The following ETFRF1 variants were observed in gnomAD, a reference collection of about 807,000 sequenced individuals.
ETFRF1 encodes the protein electron transfer flavoprotein regulatory factor 1, also known as LYR motif containing 5.
A neutral mutation model predicts 9.0 loss-of-function variants in ETFRF1; 12 were observed. That is an observed-to-expected ratio of 1.34 (90% CI 0.86 to 2.16). ETFRF1 has a LOEUF of 2.16. Among genes scored for constraint, ETFRF1 ranks in the 30% most tolerant of loss-of-function variants. The pLI, the probability that ETFRF1 is intolerant of heterozygous loss-of-function variation, is 0.00. For synonymous variants in ETFRF1, 34 were observed against 33.2 expected, an observed-to-expected ratio of 1.02 and a Z score of -0.08; for missense variants, 98 against 101.8, an observed-to-expected ratio of 0.96 and a Z score of 0.16.
intron 1 of ETFRF1, among the ~76,000 whole-genome samples, chr12:25,201,362 A>G (rs1592786887): frequency 6.6e-6 from 1 of 152,190 alleles, no homozygotes; most frequent in African/African-American, 2.4e-5. Context: ...TTTAATTAAC[A>G]GCAGCATTGT....
rs774219287 is a variant in ETFRF1, at chr12:25,204,204, T to A, written c.165T>A (p.Leu55=). 1.9e-6 allele frequency: 3 copies of A among 1,613,054 alleles called. No homozygotes were observed. Among genetic ancestry groups the A allele is most frequent in the Non-Finnish European group, 2.5e-6 (3 of 1,179,620 alleles). ...AGAATCCAGAGAAGATCAAAGAACTTATTGCACAGGGCGAATTTGTAATGA... is the reference window on the plus strand; with the variant it reads ...AGAATCCAGAGAAGATCAAAGAACTAATTGCACAGGGCGAATTTGTAATGA... ...DVKNPEKIKE[L]IAQGEFVMKE... Residue 55 remains leucine (L), a synonymous_variant, in exon 3 of 3, where the codon CTT becomes CTA. Transcript: ENST00000381356.
intron 1 of ETFRF1, among the ~76,000 whole-genome samples, chr12:25,197,090 G>T (rs1319639925): frequency 6.6e-6 from 1 of 151,582 alleles, no homozygotes; most frequent in Non-Finnish European, 1.5e-5. Flanking sequence ...GGAGAGGGAG[G>T]TTGCAGTGAG....
chr12:25,203,942 T>C lies in ETFRF1; in HGVS notation c.-15T>C. On this transcript the variant is annotated 5_prime_UTR_variant, in exon 2 of 3. An upstream open reading frame in the 5' UTR loses its in-frame stop. Coordinates refer to ENST00000381356, the MANE Select transcript of ETFRF1 (RefSeq NM_001001660.3). ...TAGGTATGTTATGCATAAAAGTGGA[T>C]AATTTACATGATAAATGAAAATGGC... The C allele has an allele frequency of 1.2e-5, 17 of 1,448,162 alleles. No individual in the cohort carries two copies. Among genetic ancestry groups the C allele is most frequent in the Non-Finnish European group, 1.5e-5 (17 of 1,099,772 alleles). 89.7% of individuals were successfully genotyped at this position (1,448,162 alleles called of 1,614,324 possible). A position where few individuals can be genotyped will look rare whatever the true frequency, so the allele number is the denominator to read the frequency against.
chr12:25,195,242 C>T lies in ETFRF1; in HGVS notation c.-133C>T. 1.4e-6 allele frequency: 1 copy of T among 735,238 alleles called. No homozygotes were observed. The highest frequency in any genetic ancestry group is 1.5e-5 in the South Asian group (1 of 64,890). The allele number at this position is 735,238 out of a possible 1,614,324, so 45.5% of individuals were successfully genotyped here. A position where few individuals can be genotyped will look rare whatever the true frequency, so the allele number is the denominator to read the frequency against. On this transcript the variant is annotated 5_prime_UTR_variant, in exon 1 of 3. Coordinates refer to ENST00000381356, the MANE Select transcript of ETFRF1 (RefSeq NM_001001660.3). ...GCCGGCGCCCCGCCCCCTTTACTGACAGGTTGCCCACCTCCCCCAACGCCA... is the reference window on the plus strand; with the variant it reads ...GCCGGCGCCCCGCCCCCTTTACTGATAGGTTGCCCACCTCCCCCAACGCCA...
chr12:25,203,905 T>A lies in ETFRF1; in HGVS notation c.-37-15T>A, dbSNP rs1041094516. ...TACAATGCAGCTAATTGCAAAAAAATTTTCCTTTCTTTAGGTATGTTATGC... is the reference window on the plus strand; with the variant it reads ...TACAATGCAGCTAATTGCAAAAAAAATTTCCTTTCTTTAGGTATGTTATGC... On this transcript the variant is annotated splice_polypyrimidine_tract_variant and intron_variant, in intron 1 of 2. Coordinates refer to ENST00000381356, the MANE Select transcript of ETFRF1 (RefSeq NM_001001660.3). The A allele has an allele frequency of 1.0e-4, 139 of 1,362,094 alleles. 1 individual carries two copies. Among genetic ancestry groups the A allele is most frequent in the African/African-American group, 1.6e-4 (11 of 67,046 alleles). 84.4% of individuals were successfully genotyped at this position (1,362,094 alleles called of 1,614,324 possible). A position where few individuals can be genotyped will look rare whatever the true frequency, so the allele number is the denominator to read the frequency against.
At chr12:25,195,362 G>A in intron 1 of ETFRF1, 25 bp downstream of exon 1, 1 of 589,654 alleles carries the variant, frequency 1.7e-6, no homozygotes, top group Non-Finnish European at 3.0e-6. Context: ...CCGCCGGGGA[G>A]TTTTGTTCCA....
rs148855350 is a variant in ETFRF1, at chr12:25,202,321, G to A, written c.-37-1599G>A. On this transcript the variant is annotated intron_variant, in intron 1 of 2. Coordinates refer to ENST00000381356, the MANE Select transcript of ETFRF1 (RefSeq NM_001001660.3). The stretch of plus-strand genomic sequence containing the variant: ...GGGCTGAGCAAGGCAGGCATCTGGG[G>A]AAGGTGGGGGCGAGAGAAAGGCTGG... 9.6e-3 allele frequency among the ~76,000 whole-genome samples: 1,457 copies of A among 152,196 alleles called. 9 individuals are homozygous for A. Among genetic ancestry groups the A allele is most frequent in the Non-Finnish European group, 0.016 (1,118 of 68,000 alleles).
In ETFRF1 at chr12:25,197,494, A is replaced by T. The variant is rs184872669; in HGVS notation, c.-38+2157A>T. Among the ~76,000 whole-genome samples the T allele has an allele frequency of 4.5e-4, 68 of 152,320 alleles. 1 individual carries two copies. The highest frequency in any genetic ancestry group is 1.5e-3 in the African/African-American group (63 of 41,578). Reference sequence around the variant, plus strand: ...TTGTTTTGTTTTGAGACAGGGTCTCAAAATGAATTTTGCCCAGGTTGGAGT... The same window carrying T: ...TTGTTTTGTTTTGAGACAGGGTCTCTAAATGAATTTTGCCCAGGTTGGAGT... On this transcript the variant is annotated intron_variant, in intron 1 of 2. Coordinates refer to ENST00000381356, the MANE Select transcript of ETFRF1 (RefSeq NM_001001660.3).
At position 25,204,416 on chromosome 12, in the gene ETFRF1, A is replaced by C. The variant is rs907974320; in HGVS notation, c.*104A>C. ...GGGAAGATATACATGTTGTGTAAAA[A>C]ATCCCTGAGCTGCCCTACTGAACTA... On this transcript the variant is annotated 3_prime_UTR_variant, in exon 3 of 3. Transcript: ENST00000381356. The C allele has an allele frequency of 2.2e-5, 21 of 964,036 alleles. No individual in the cohort carries two copies. The highest frequency in any genetic ancestry group is 3.0e-5 in the Non-Finnish European group (21 of 695,756). The allele number at this position is 964,036 out of a possible 1,614,324, so 59.7% of individuals were successfully genotyped here. A position where few individuals can be genotyped will look rare whatever the true frequency, so the allele number is the denominator to read the frequency against.
intron 1 of ETFRF1, among the ~76,000 whole-genome samples, chr12:25,202,032 A>T (rs960644087): frequency 7.8e-6 from 1 of 127,480 alleles, no homozygotes; most frequent in Non-Finnish European, 1.6e-5. Context: ...CATCCCGGCC[A>T]ACATGGTGAA....
At chr12:25,202,351 G>C (rs1298946760) in intron 1 of ETFRF1, among the ~76,000 whole-genome samples, 1 of 151,692 alleles carries the variant, frequency 6.6e-6, no homozygotes, top group African/African-American at 2.4e-5. Context: ...GGCTGGCAAG[G>C]TAGTAGCCCA....
intron 1 of ETFRF1, among the ~76,000 whole-genome samples, chr12:25,199,273 A>G (rs981299986): frequency 8.0e-5 from 12 of 149,170 alleles, no homozygotes; most frequent in Non-Finnish European, 1.5e-4. Context: ...TATATACTAT[A>G]TATATCTACT....
At chr12:25,199,880 A>T (rs1245338396) in intron 1 of ETFRF1, among the ~76,000 whole-genome samples, 1 of 152,146 alleles carries the variant, frequency 6.6e-6, no homozygotes. Flanking sequence ...ACTCAGTAGA[A>T]CACTTGGAAG....
intron 1 of ETFRF1, among the ~76,000 whole-genome samples, chr12:25,202,529 G>A (rs1284447180): frequency 6.6e-6 from 1 of 152,054 alleles, no homozygotes; most frequent in East Asian, 1.9e-4. Context: ...CAGGAGGGAG[G>A]AAATGGTGCA....
intron 1 of ETFRF1, among the ~76,000 whole-genome samples, chr12:25,200,879 T>C (rs1230379267): frequency 6.6e-6 from 1 of 152,224 alleles, no homozygotes; most frequent in Non-Finnish European, 1.5e-5. Flanking sequence ...CTTCTTGATG[T>C]AGAGAGCAGT....
rs538137881 is a variant in ETFRF1, at chr12:25,204,223, G to T, written c.184G>T (p.Val62Leu). 1 of 1,612,120 alleles carries T rather than the reference G, an allele frequency of 6.2e-7. No individual in the cohort carries two copies. Among genetic ancestry groups the T allele is most frequent in the African/African-American group, 1.3e-5 (1 of 74,792 alleles). ...AGAACTTATTGCACAGGGCGAATTT[G>T]TAATGAAAGAGCTAGAAGCTTTGTA... ...IKELIAQGEF[V>L]MKELEALYFL... The change falls in exon 3 of 3, where the codon GTA becomes TTA. Residue 62 changes from valine (V) to leucine (L), a missense_variant. By Grantham distance (32) the Val-to-Leu change is conservative. Transcript: ENST00000381356.
chr12:25,197,124 A>G (rs1030437456), intron 1 of ETFRF1, among the ~76,000 whole-genome samples: 8 of 151,906 alleles, frequency 5.3e-5, no homozygotes, highest in African/African-American at 1.9e-4. Context: ...ACTACACTCC[A>G]GCCGGGTCAA....
chr12:25,197,710 A>G (rs1013947013), intron 1 of ETFRF1, among the ~76,000 whole-genome samples: 1 of 152,164 alleles, frequency 6.6e-6, no homozygotes, highest in South Asian at 2.1e-4. Context: ...AGCTCAAGCC[A>G]TCCTCCAGCC....
At position 25,195,308 on chromosome 12, in the gene ETFRF1, G is replaced by A; in HGVS notation, c.-67G>A. The A allele has an allele frequency of 1.6e-6, 1 of 607,544 alleles. No homozygotes were observed. The highest frequency in any genetic ancestry group is 2.9e-6 in the Non-Finnish European group (1 of 342,012). 37.6% of individuals were successfully genotyped at this position (607,544 alleles called of 1,614,324 possible). On this transcript the variant is annotated 5_prime_UTR_variant, in exon 1 of 3. Coordinates refer to ENST00000381356, the MANE Select transcript of ETFRF1 (RefSeq NM_001001660.3). The stretch of plus-strand genomic sequence containing the variant: ...GACGGACAGAGGAGTCGTAGCGGTC[G>A]AGGCTTTTGCGGCTCCGGCGTGCCG...
Sources: allele counts gnomAD v4.1 joint callset (sites outside exome capture counted in the v4.1 genomes callset), GRCh38; gene constraint gnomAD v4.1.1; transcripts MANE v1.5; gene names NCBI Gene and HGNC (gene_info 2026-07-23, HGNC 2026-07-21).